Variants in SLC7A10 observed in about 807,000 individuals in gnomAD.
SLC7A10 encodes solute carrier family 7 member 10, also known as asc-type amino acid transporter 1.
Under a neutral mutation model 52.7 loss-of-function variants are expected in SLC7A10, and 30 were observed. The observed-to-expected ratio is 0.57, with a 90% confidence interval of 0.43 to 0.77. SLC7A10 has a LOEUF of 0.77. Among genes scored for constraint, SLC7A10 ranks in the 30% least tolerant of loss-of-function variants. SLC7A10 has a pLI of 0.00. For synonymous variants in SLC7A10, 318 were observed against 314.9 expected (o/e 1.01, Z -0.10); for missense variants, 581 against 698.5 (o/e 0.83, Z 1.90).
intron 1 of SLC7A10, among the ~76,000 whole-genome samples, chr19:33,217,215 G>A (rs1434852932): frequency 1.3e-5 from 2 of 151,364 alleles, no homozygotes; most frequent in Admixed American, 1.3e-4. Flanking sequence ...GTCCCACTAT[G>A]TTGCTGAGGC....
At position 33,211,396 on chromosome 19, in the gene SLC7A10, G is replaced by A. The variant is rs993810768; in HGVS notation, c.912+18C>T. ...GGGGCCTGGGCAGGAGCCAGGGACC[G>A]AGCAGGGGCCCACTCACCACAGCCA... On this transcript the variant is annotated intron_variant, in intron 6 of 10. Coordinates refer to ENST00000253188, the MANE Select transcript of SLC7A10 (RefSeq NM_019849.3). 5.6e-6 allele frequency: 9 copies of A among 1,613,648 alleles called. No individual in the cohort carries two copies. Among genetic ancestry groups the A allele is most frequent in the African/African-American group, 2.7e-5 (2 of 75,054 alleles).
chr19:33,212,231 G>C (rs1337417253), intron 5 of SLC7A10, 61 bp downstream of exon 5: 5 of 1,555,588 alleles, frequency 3.2e-6, no homozygotes, highest in Non-Finnish European at 4.3e-6. Flanking sequence ...GGGCGGAGAG[G>C]CTGCCTGTCC....
chr19:33,224,495 G>C (rs767209473), intron 1 of SLC7A10, among the ~76,000 whole-genome samples: 72 of 152,232 alleles, frequency 4.7e-4, no homozygotes, highest in Admixed American at 9.8e-4. Flanking sequence ...GAAGACCCTG[G>C]GTCTGCCCTA....
At chr19:33,217,196 A>T (rs1333434012) in intron 1 of SLC7A10, among the ~76,000 whole-genome samples, 1 of 151,518 alleles carries the variant, frequency 6.6e-6, no homozygotes, top group South Asian at 2.1e-4. Context: ...AAAATTGTAG[A>T]GTTGAGGGGT....
Position 33,215,918 on chromosome 19 carries a change from T to C in SLC7A10, c.207A>G (p.Ser69=). The change falls in exon 2 of 11, where the codon TCA becomes TCG. Residue 69 remains serine (S), a synonymous_variant. Transcript: ENST00000253188. ...FISPKGVLEH[S]GSVGLALFVW... is the part of the protein sequence containing the mutation. ...CGAACAGGGCCAGACCCACGGAGCC[T>C]GAGTGCTCCAGGACCCCCTTGGGCG... is the stretch of plus-strand genomic sequence containing the variant. 6.2e-7 allele frequency: 1 copy of C among 1,609,810 alleles called. No homozygotes were observed. The highest frequency in any genetic ancestry group is 8.5e-7 in the Non-Finnish European group (1 of 1,178,096).
Position 33,211,531 on chromosome 19 carries a change from T to C in SLC7A10, c.795A>G (p.Leu265=). ...TEEMVDARKN[L]PRAIFISIPL... ...GGATGGAGATGAAGATGGCGCGAGG[T>C]AGGTTCCTGGTGACAGGCAGTGGAG... The change falls in exon 6 of 11, where the codon CTA becomes CTG. Residue 265 remains leucine (L), a synonymous_variant. Transcript: ENST00000253188. 1 of 1,613,764 alleles carries C rather than the reference T, an allele frequency of 6.2e-7. No individual in the cohort carries two copies. The highest frequency in any genetic ancestry group is 8.5e-7 in the Non-Finnish European group (1 of 1,179,938).
At position 33,225,456 on chromosome 19, in the gene SLC7A10, C is replaced by T; in HGVS notation, c.151+97G>A. ...CAGACTGCAGGTTCCCCAGGCAGAC[C>T]CGTCCGAGCGCCCGGAGAGGGGACG... On this transcript the variant is annotated intron_variant, in intron 1 of 10. Transcript: ENST00000253188. The T allele has an allele frequency of 4.1e-6, 6 of 1,457,798 alleles. No homozygotes were observed. In the South Asian group the frequency reaches 5.9e-5, roughly 14 times the overall value. The allele number at this position is 1,457,798 out of a possible 1,614,324, so 90.3% of individuals were successfully genotyped here. A position where few individuals can be genotyped will look rare whatever the true frequency, so the allele number is the denominator to read the frequency against.
chr19:33,215,652 C>CCAGCCCCCACACCTTCTCTCCATA, intron 2 of SLC7A10, 117 bp downstream of exon 2: 1 of 1,043,656 alleles, frequency 9.6e-7, no homozygotes, highest in Non-Finnish European at 1.3e-6. Context: ...TTCTCTCCAT[C>CCAGCCCCCACACCTTCTCTCCATA]CACCCCCACG....
At position 33,212,380 on chromosome 19, in the gene SLC7A10, G is replaced by C; in HGVS notation, c.700C>G (p.Leu234Val). The C allele has an allele frequency of 6.2e-7, 1 of 1,613,856 alleles. No homozygotes were observed. Among genetic ancestry groups the C allele is most frequent in the Non-Finnish European group, 8.5e-7 (1 of 1,180,040 alleles). The change falls in exon 5 of 11, where the codon CTG becomes GTG. Residue 234 changes from leucine (L) to valine (V), a missense_variant. Transcript: ENST00000253188. ...AFWMTPSVGH[L>V]ALAFLQGSFA... ...GAGCCCTGGAGGAAGGCCAGGGCCA[G>C]GTGTCCCACGGAGGGCGTCATCCAG...
At position 33,210,570 on chromosome 19, in the gene SLC7A10, A is replaced by G. The variant is rs768801664; in HGVS notation, c.1160T>C (p.Leu387Pro). ...GTTGATGAAGGACACATAGTTGATGAGCGTGTACGTGTCGCCCACGAGCAT... is the reference window on the plus strand; with the variant it reads ...GTTGATGAAGGACACATAGTTGATGGGCGTGTACGTGTCGCCCACGAGCAT... ...VIMLVGDTYT[L>P]INYVSFINYL... is the part of the protein sequence containing the mutation. Residue 387 changes from leucine (L) to proline (P), a missense_variant, in exon 9 of 11, where the codon CTC becomes CCC. By Grantham distance (98) the Leu-to-Pro change is moderately conservative (BLOSUM62 -3). Coordinates refer to ENST00000253188, the MANE Select transcript of SLC7A10 (RefSeq NM_019849.3). The surrounding 1 kb of genome is among the most constrained non-coding windows in gnomAD (Gnocchi z 5.6). 3 of 1,612,166 alleles carry G rather than the reference A, an allele frequency of 1.9e-6. No individual in the cohort carries two copies. The highest frequency in any genetic ancestry group is 2.5e-6 in the Non-Finnish European group (3 of 1,179,958).
At chr19:33,217,896 A>G (rs1974723530) in intron 1 of SLC7A10, 1 of 151,964 alleles carries the variant, frequency 6.6e-6, no homozygotes. Context: ...CCCCAGAGGT[A>G]AGCTGTACCC....
In SLC7A10 at chr19:33,215,607, G is replaced by C. The variant is rs148698645; in HGVS notation, c.356+162C>G. ...CACCCCCACACCTTCTCTCCATCCA[G>C]CCCCCACACCTTCTCTCCATCCACC... On this transcript the variant is annotated intron_variant, in intron 2 of 10. Transcript: ENST00000253188. Among the ~76,000 whole-genome samples, 596 of 110,360 alleles carry C rather than the reference G, an allele frequency of 5.4e-3. 5 individuals carry two copies. Among genetic ancestry groups the C allele is most frequent in the African/African-American group, 5.9e-3 (159 of 26,736 alleles). The allele number at this position is 110,360 out of a possible 152,430, so 72.4% of individuals were successfully genotyped here.
At position 33,208,780 on chromosome 19, in the gene SLC7A10, A is replaced by C; in HGVS notation, c.*111T>G. ...CCTTAAACAGGCTTCTGAGAGTCGT[A>C]TCTTTTTTCTTTTTTTTCCAGAAAA... On this transcript the variant is annotated 3_prime_UTR_variant, in exon 11 of 11. Coordinates refer to ENST00000253188, the MANE Select transcript of SLC7A10 (RefSeq NM_019849.3). This position sits in a 1 kb window ranked among gnomAD's most constrained non-coding sequence, Gnocchi z 4.7. 10 of 1,447,804 alleles carry C rather than the reference A, an allele frequency of 6.9e-6. No individual in the cohort carries two copies. The highest frequency in any genetic ancestry group is 1.2e-5 in the South Asian group (1 of 83,020). The allele number at this position is 1,447,804 out of a possible 1,614,324, so 89.7% of individuals were successfully genotyped here.
intron 2 of SLC7A10, among the ~76,000 whole-genome samples, chr19:33,213,455 A>T (rs1427556084): frequency 2.0e-5 from 3 of 151,638 alleles, no homozygotes; most frequent in Non-Finnish European, 2.9e-5. Context: ...TGCCTGGCAA[A>T]TTTTTTGTAT....
At position 33,215,912 on chromosome 19, in the gene SLC7A10, G is replaced by A. The variant is rs948286236; in HGVS notation, c.213C>T (p.Ser71=). 17 of 1,610,492 alleles carry A rather than the reference G, an allele frequency of 1.1e-5. No individual in the cohort carries two copies. The highest frequency in any genetic ancestry group is 6.6e-5 in the South Asian group (6 of 90,316). Residue 71 remains serine, a synonymous_variant, in exon 2 of 11, where the codon TCC becomes TCT. Coordinates refer to ENST00000253188, the MANE Select transcript of SLC7A10 (RefSeq NM_019849.3). ...SPKGVLEHSG[S]VGLALFVWVL... ...CCCAGACGAACAGGGCCAGACCCACGGAGCCTGAGTGCTCCAGGACCCCCT... is the reference window on the plus strand; with the variant it reads ...CCCAGACGAACAGGGCCAGACCCACAGAGCCTGAGTGCTCCAGGACCCCCT...
intron 10 of SLC7A10, 58 bp downstream of exon 10, chr19:33,209,250 G>T (rs1008734987): frequency 1.7e-5 from 27 of 1,606,804 alleles, no homozygotes; most frequent in Non-Finnish European, 2.2e-5. Context: ...CTAAGAGGGA[G>T]GTCTGGTCTC....
At chr19:33,212,824 G>C (rs372670304) in intron 3 of SLC7A10, 27 bp downstream of exon 3, 2 of 1,611,814 alleles carry the variant, frequency 1.2e-6, no homozygotes, top group African/African-American at 1.3e-5. Context: ...GCTGATCTGG[G>C]GACAGTGGGC....
In SLC7A10 at chr19:33,218,684, T is replaced by TCTTTCTTTC. The variant is rs1456336386; in HGVS notation, c.152-2712_152-2711insGAAAGAAAG. Among the ~76,000 whole-genome samples, 126 of 48,668 alleles carry TCTTTCTTTC rather than the reference T, an allele frequency of 2.6e-3. 1 individual carries two copies. Among genetic ancestry groups the TCTTTCTTTC allele is most frequent in the African/African-American group, 5.6e-3 (99 of 17,540 alleles). 31.9% of individuals were successfully genotyped at this position (48,668 alleles called of 152,430 possible). Reference sequence around the variant, plus strand: ...GGATTTCTTTCTTTCTTTCTTTCTTTTTTTTTTTTTTTTAGTAGAGATGGG... The same window carrying TCTTTCTTTC: ...GGATTTCTTTCTTTCTTTCTTTCTTTCTTTCTTTCTTTTTTTTTTTTTAGTAGAGATGGG... On this transcript the variant is annotated intron_variant, in intron 1 of 10. Transcript: ENST00000253188.
At chr19:33,214,285 C>T (rs551264579) in intron 2 of SLC7A10, among the ~76,000 whole-genome samples, 3 of 152,134 alleles carry the variant, frequency 2.0e-5, no homozygotes, top group South Asian at 2.1e-4. Context: ...TAAGGGTCCC[C>T]GGCCCATATC....
Sources: allele counts gnomAD v4.1 joint callset (sites outside exome capture counted in the v4.1 genomes callset), GRCh38; gene constraint gnomAD v4.1.1; non-coding constraint Gnocchi (gnomAD v3.1); transcripts MANE v1.5; gene names NCBI Gene and HGNC (gene_info 2026-07-23, HGNC 2026-07-21).